Variants in GPR157 observed in about 807,000 individuals in gnomAD.
GPR157 encodes the protein G protein-coupled receptor 157.
GPR157 carries 16 observed loss-of-function variants against 23.5 expected under a neutral mutation model. The observed-to-expected ratio is 0.68, with a 90% confidence interval of 0.46 to 1.04. The LOEUF is 1.04. GPR157 is among the 50% of genes least tolerant of loss of function. The pLI, the probability that GPR157 is intolerant of heterozygous loss-of-function variation, is 0.00. For missense variants in GPR157, 440 were observed against 460.7 expected, an observed-to-expected ratio of 0.96 and a Z score of 0.41; for synonymous variants, 200 against 221.5, an observed-to-expected ratio of 0.90 and a Z score of 0.86.
chr1:9,113,317 G>T (rs546542458), intron 1 of GPR157, among the ~76,000 whole-genome samples: 1 of 152,332 alleles, frequency 6.6e-6, no homozygotes, highest in East Asian at 1.9e-4. Flanking sequence ...ATAACTGTGA[G>T]ATCAGAGTTC....
At chr1:9,123,218 T>C (rs1170801026) in intron 1 of GPR157, among the ~76,000 whole-genome samples, 2 of 125,852 alleles carry the variant, frequency 1.6e-5, no homozygotes, top group South Asian at 4.6e-4. Flanking sequence ...ATATATTTAT[T>C]AAAATATATA....
chr1:9,112,975 G>A (rs980742092), intron 1 of GPR157, among the ~76,000 whole-genome samples: 4 of 152,216 alleles, frequency 2.6e-5, no homozygotes, highest in African/African-American at 9.7e-5. Context: ...TCCCACTTCT[G>A]CCCCTGCTTG....
rs980300473 is a variant in GPR157, at chr1:9,119,222, G to A, written c.384-7733C>T. Among the ~76,000 whole-genome samples the A allele has an allele frequency of 7.9e-5, 12 of 151,892 alleles. 1 individual carries two copies. Among genetic ancestry groups the A allele is most frequent in the South Asian group, 6.2e-4 (3 of 4,814 alleles). On this transcript the variant is annotated intron_variant, in intron 1 of 3. Coordinates refer to ENST00000377411, the MANE Select transcript of GPR157 (RefSeq NM_024980.5). Reference sequence around the variant, plus strand: ...TAATTTTTGTATTTTTAGTAGAGACGGGGTTTCACCATGTTGGCCAGACTG... The same window carrying A: ...TAATTTTTGTATTTTTAGTAGAGACAGGGTTTCACCATGTTGGCCAGACTG...
chr1:9,105,588 G>T lies in GPR157; in HGVS notation c.690C>A (p.Ile230=). 1 of 1,611,522 alleles carries T rather than the reference G, an allele frequency of 6.2e-7. No individual in the cohort carries two copies. The highest frequency in any genetic ancestry group is 8.5e-7 in the Non-Finnish European group (1 of 1,179,284). ...CCCTGAGGCCGATGAAGATGAGCGG[G>T]ATGAGCACCAGCTTCTTGTCCGCCA... ...SSMADKKLVL[I]PLIFIGLRVW... Residue 230 remains isoleucine, a synonymous_variant, in exon 3 of 4, where the codon ATC becomes ATA. Coordinates refer to ENST00000377411, the MANE Select transcript of GPR157 (RefSeq NM_024980.5). The surrounding 1 kb of genome is among the most constrained non-coding windows in gnomAD (Gnocchi z 4.8).
At chr1:9,116,281 A>ATAATGATAATATATATTATATATAATAT (rs373818819) in intron 1 of GPR157, among the ~76,000 whole-genome samples, 1 of 3,110 alleles carries the variant, frequency 3.2e-4, no homozygotes, top group Non-Finnish European at 4.3e-4. Flanking sequence ...AATTATATAT[A>ATAATGATAATATATATTATATATAATAT]AATTATATAT....
intron 1 of GPR157, among the ~76,000 whole-genome samples, chr1:9,113,205 G>A (rs1187484681): frequency 6.6e-6 from 1 of 152,196 alleles, no homozygotes; most frequent in African/African-American, 2.4e-5. Context: ...GGTGCTGCGT[G>A]GGGCCCGTCT....
Position 9,105,743 on chromosome 1 carries a change from G to T in GPR157, c.598-63C>A. ...GCACCCTCCCGCCACGTCCACCCAG[G>T]CTGCCCAGGTCTTCCCAGGGACTTG... On this transcript the variant is annotated intron_variant, in intron 2 of 3. Coordinates refer to ENST00000377411, the MANE Select transcript of GPR157 (RefSeq NM_024980.5). The surrounding 1 kb of genome is among the most constrained non-coding windows in gnomAD (Gnocchi z 4.8). 7.0e-7 allele frequency: 1 copy of T among 1,434,622 alleles called. No homozygotes were observed. The highest frequency in any genetic ancestry group is 1.3e-5 in the South Asian group (1 of 74,864). The allele number at this position is 1,434,622 out of a possible 1,614,324, so 88.9% of individuals were successfully genotyped here. A position where few individuals can be genotyped will look rare whatever the true frequency, so the allele number is the denominator to read the frequency against.
Position 9,101,321 on chromosome 1 carries a change from G to T in GPR157, c.*3098C>A, listed in dbSNP as rs1241318075. On this transcript the variant is annotated 3_prime_UTR_variant, in exon 4 of 4. Coordinates refer to ENST00000377411, the MANE Select transcript of GPR157 (RefSeq NM_024980.5). ...TCTGCCCACCTTGGTCTCCCAAAGT[G>T]CTGGGATTACAGGCGTGAGCCACTG... 1 of 151,984 alleles carries T rather than the reference G, an allele frequency of 6.6e-6. No homozygotes were observed. The highest frequency in any genetic ancestry group is 1.5e-5 in the Non-Finnish European group (1 of 68,114). 9.4% of individuals were successfully genotyped at this position (151,984 alleles called of 1,614,324 possible).
Position 9,117,679 on chromosome 1 carries a change from T to C in GPR157, c.384-6190A>G, listed in dbSNP as rs578042488. Among the ~76,000 whole-genome samples, 4 of 152,196 alleles carry C rather than the reference T, an allele frequency of 2.6e-5. No homozygotes were observed. The East Asian group carries it at 7.7e-4, about 29-fold the overall frequency. On this transcript the variant is annotated intron_variant, in intron 1 of 3. Transcript: ENST00000377411. Reference sequence around the variant, plus strand: ...GGGGAGGCTGAGGCAGGAGAATCACTTGAACCCGGGAGGTGGAGGTTGCAG... The same window carrying C: ...GGGGAGGCTGAGGCAGGAGAATCACCTGAACCCGGGAGGTGGAGGTTGCAG...
intron 1 of GPR157, among the ~76,000 whole-genome samples, chr1:9,116,317 A>ATAATTAT (rs1491376148): frequency 4.6e-5 from 1 of 21,558 alleles, no homozygotes; most frequent in African/African-American, 3.7e-4. Flanking sequence ...TATTATATAT[A>ATAATTAT]ATATATATAA....
chr1:9,108,274 C>T (rs1210374204), intron 2 of GPR157, among the ~76,000 whole-genome samples: 1 of 152,182 alleles, frequency 6.6e-6, no homozygotes, highest in Non-Finnish European at 1.5e-5. Flanking sequence ...CCTCCTCCTC[C>T]TCCTCCAGCT....
Position 9,103,990 on chromosome 1 carries a change from T to G in GPR157, c.*429A>C. ...GACCAGCCGGGAATCTGCTCCATGA[T>G]GTGTGGATGGGGACACATCTCTGAG... On this transcript the variant is annotated 3_prime_UTR_variant, in exon 4 of 4. Coordinates refer to ENST00000377411, the MANE Select transcript of GPR157 (RefSeq NM_024980.5). The G allele has an allele frequency of 6.3e-6, 1 of 157,952 alleles. No homozygotes were observed. The highest frequency in any genetic ancestry group is 1.4e-5 in the Non-Finnish European group (1 of 71,592). The allele number at this position is 157,952 out of a possible 1,614,324, so 9.8% of individuals were successfully genotyped here. A position where few individuals can be genotyped will look rare whatever the true frequency, so the allele number is the denominator to read the frequency against.
At chr1:9,117,010 G>T (rs1638696301) in intron 1 of GPR157, among the ~76,000 whole-genome samples, 1 of 151,994 alleles carries the variant, frequency 6.6e-6, no homozygotes, top group Non-Finnish European at 1.5e-5. Flanking sequence ...CAAAGTGCTG[G>T]GATTACAGAC....
In GPR157 at chr1:9,103,003, C is replaced by T. The variant is rs933162363; in HGVS notation, c.*1416G>A. The T allele has an allele frequency of 1.5e-4, 22 of 151,062 alleles. No homozygotes were observed. The highest frequency in any genetic ancestry group is 4.6e-4 in the African/African-American group (19 of 41,110). The allele number at this position is 151,062 out of a possible 1,614,324, so 9.4% of individuals were successfully genotyped here. A position where few individuals can be genotyped will look rare whatever the true frequency, so the allele number is the denominator to read the frequency against. On this transcript the variant is annotated 3_prime_UTR_variant, in exon 4 of 4. Coordinates refer to ENST00000377411, the MANE Select transcript of GPR157 (RefSeq NM_024980.5). ...TCCCAGTTCAATGAAGCCTCAAATCCCTGGGCTCAAGGGATCCTCCCGTCT... is the reference window on the plus strand; with the variant it reads ...TCCCAGTTCAATGAAGCCTCAAATCTCTGGGCTCAAGGGATCCTCCCGTCT...
At chr1:9,119,649 C>G (rs1420632809) in intron 1 of GPR157, among the ~76,000 whole-genome samples, 3 of 152,162 alleles carry the variant, frequency 2.0e-5, no homozygotes, top group African/African-American at 7.2e-5. Context: ...CCTAGGGCCC[C>G]CAATCTCAGA....
At chr1:9,112,193 CACAA>C (rs1313705242) in intron 1 of GPR157, among the ~76,000 whole-genome samples, 4 of 152,184 alleles carry the variant, frequency 2.6e-5, no homozygotes, top group African/African-American at 4.8e-5. Context: ...GCAAATGTGC[CACAA>C]ACAATCAGCG....
At chr1:9,106,044 T>A (rs536388147) in intron 2 of GPR157, among the ~76,000 whole-genome samples, 14 of 152,212 alleles carry the variant, frequency 9.2e-5, no homozygotes, top group Admixed American at 2.6e-4. Context: ...CCACATCCGA[T>A]CCCCAGCAAG....
Position 9,128,656 on chromosome 1 carries a change from G to C in GPR157, c.372C>G (p.Phe124Leu). Residue 124 changes from phenylalanine to leucine, a missense_variant, in exon 1 of 4, where the codon TTC becomes TTG. By Grantham distance (22) the Phe-to-Leu change is conservative (BLOSUM62 0). Coordinates refer to ENST00000377411, the MANE Select transcript of GPR157 (RefSeq NM_024980.5). The surrounding 1 kb of genome is among the most constrained non-coding windows in gnomAD (Gnocchi z 6.3). Reference sequence around the variant, plus strand: ...CCACCGCCACCCACCTGACGACATGGAAGGCCCAAAGCAGGCGATCTGTGC... The same window carrying C: ...CCACCGCCACCCACCTGACGACATGCAAGGCCCAAAGCAGGCGATCTGTGC... Reference protein sequence around the residue: ...GPRTDRLLWAFHVVSWGVPLV... With the variant: ...GPRTDRLLWALHVVSWGVPLV... 6.2e-7 allele frequency: 1 copy of C among 1,613,008 alleles called. No individual in the cohort carries two copies. The highest frequency in any genetic ancestry group is 8.5e-7 in the Non-Finnish European group (1 of 1,179,866).
chr1:9,116,154 A>ATATATATATAAAATAATTATATATAT (rs1638630348), intron 1 of GPR157, among the ~76,000 whole-genome samples: 3 of 40,732 alleles, frequency 7.4e-5, no homozygotes, highest in Non-Finnish European at 1.3e-4. Flanking sequence ...ATTATATTAT[A>ATATATATATAAAATAATTATATATAT]TATATATATA....
Sources: gnomAD v4.1 joint callset for allele counts (sites outside exome capture counted in the v4.1 genomes callset) on GRCh38, gnomAD v4.1.1 for gene constraint, Gnocchi (gnomAD v3.1) non-coding constraint, MANE v1.5 for transcripts, NCBI Gene and HGNC (gene_info 2026-07-23, HGNC 2026-07-21) for gene names.